The following FBN2 variants were observed in gnomAD, a reference collection of about 807,000 sequenced individuals.
FBN2 encodes fibrillin-2.
In FBN2, 105 loss-of-function variants were observed where a neutral mutation model predicts 355.6. The observed-to-expected ratio is 0.30, with a 90% CI of 0.25 to 0.35. FBN2 has a LOEUF of 0.35. Among genes scored for constraint, FBN2 ranks in the 10% least tolerant of loss-of-function variants. FBN2 has a pLI of 1.00. For synonymous variants in FBN2, 1,350 were observed against 1,301.2 expected, an observed-to-expected ratio of 1.04 and a Z score of -0.81; for missense variants, 3,280 against 3,758.7, an observed-to-expected ratio of 0.87 and a Z score of 3.33.
intron 11 of FBN2, among the ~76,000 whole-genome samples, chr5:128,382,493 A>G (rs1235124706): frequency 6.6e-6 from 1 of 152,064 alleles, no homozygotes; most frequent in Non-Finnish European, 1.5e-5. Flanking sequence ...TGGTTCTAAG[A>G]GCCACCTGTG....
intron 10 of FBN2, 98 bp from the exon 11 acceptor site, chr5:128,392,253 T>C (rs988538984): frequency 5.0e-6 from 5 of 1,000,112 alleles, no homozygotes; most frequent in Admixed American, 1.9e-5. Context: ...ATTAATTAGA[T>C]GTATATCAGA....
chr5:128,503,579 G>T (rs1755873036), intron 5 of FBN2, among the ~76,000 whole-genome samples: 1 of 152,146 alleles, frequency 6.6e-6, no homozygotes, highest in Non-Finnish European at 1.5e-5. Context: ...CTCTTGATAT[G>T]CACAGATACT....
chr5:128,271,299 G>C (rs572172989), intron 62 of FBN2, among the ~76,000 whole-genome samples: 1 of 152,286 alleles, frequency 6.6e-6, no homozygotes, highest in South Asian at 2.1e-4. Flanking sequence ...AAATGTGTTG[G>C]TTGGAGTGTC....
At position 128,338,086 on chromosome 5, in the gene FBN2, C is replaced by G. The variant is rs1561777936; in HGVS notation, c.3509G>C (p.Arg1170Thr). Residue 1170 changes from arginine to threonine, a missense_variant, in exon 27 of 65, where the codon AGG becomes ACG. Physicochemically the swap from Arg to Thr is moderately conservative, Grantham distance 71 (BLOSUM62 -1). Around this residue, in one of 6 missense-constraint regions of FBN2, gnomAD observed 2,284 missense variants for 2,749.5 expected, o/e 0.83. Coordinates refer to ENST00000262464, the MANE Select transcript of FBN2 (RefSeq NM_001999.4). ...CTCAGTGTTCACACAGGTGCCACCC[C>G]TACAAAGGAGAGGGTTACGTTCACA... ...DECERNPLLC[R>T]GGTCVNTEGS... 6.2e-7 allele frequency: 1 copy of G among 1,614,020 alleles called. No homozygotes were observed. The highest frequency in any genetic ancestry group is 8.5e-7 in the Non-Finnish European group (1 of 1,179,910).
At chr5:128,436,693 A>G (rs981814721) in intron 7 of FBN2, among the ~76,000 whole-genome samples, 2 of 151,734 alleles carry the variant, frequency 1.3e-5, no homozygotes, top group African/African-American at 4.8e-5. Context: ...AAAAAAAAGT[A>G]TGGAAATATT....
chr5:128,280,447 T>A lies in FBN2; in HGVS notation c.7013-130A>T, dbSNP rs187678781. On this transcript the variant is annotated intron_variant, in intron 55 of 64. Transcript: ENST00000262464. ...ACTAATATGATGAGATTAAAAATGG[T>A]CATGTGTGAATATTAATTTATTTTT... is the stretch of plus-strand genomic sequence containing the variant. 594 of 709,032 alleles carry A rather than the reference T, an allele frequency of 8.4e-4. 2 individuals carry two copies. In the African/African-American group the frequency reaches 9.3e-3, roughly 11 times the overall value. 43.9% of individuals were successfully genotyped at this position (709,032 alleles called of 1,614,324 possible).
chr5:128,524,586 G>A (rs1049116084), intron 4 of FBN2, among the ~76,000 whole-genome samples: 9 of 152,094 alleles, frequency 5.9e-5, no homozygotes, highest in African/African-American at 1.9e-4. Flanking sequence ...GTTCATTTTA[G>A]CAAGCATCCT....
rs1018077095 is a variant in FBN2 at position 128,388,444 on chromosome 5, G to A, written c.1603+3574C>T. ...TTGCTTTACAGTGTCAATGGTCTAT[G>A]TACTTAAGTTTGTTTTTGTGGTGGC... On this transcript the variant is annotated intron_variant, in intron 11 of 64. Coordinates refer to ENST00000262464, the MANE Select transcript of FBN2 (RefSeq NM_001999.4). Among the ~76,000 whole-genome samples the A allele has an allele frequency of 5.9e-5, 9 of 152,280 alleles. No homozygotes were observed. In the South Asian group the frequency reaches 1.0e-3, roughly 18 times the overall value.
chr5:128,475,259 A>C (rs1561474849), intron 5 of FBN2, among the ~76,000 whole-genome samples: 3 of 152,236 alleles, frequency 2.0e-5, no homozygotes, highest in African/African-American at 7.2e-5. Flanking sequence ...TATTTTATAC[A>C]GCCTGAAAAT....
intron 7 of FBN2, among the ~76,000 whole-genome samples, chr5:128,426,149 T>C (rs1244439275): frequency 6.6e-6 from 1 of 152,092 alleles, no homozygotes; most frequent in Non-Finnish European, 1.5e-5. Context: ...AAATTCAAAA[T>C]AGCTGAATGG....
chr5:128,339,151 G>GTTTGCTGGCTGTTGGGTAAC, intron 25 of FBN2, 90 bp from the exon 26 acceptor site: 6 of 1,344,442 alleles, frequency 4.5e-6, no homozygotes, highest in Non-Finnish European at 6.4e-6. Flanking sequence ...AAAAGTTGGG[G>GTTTGCTGGCTGTTGGGTAAC]AAATTGCTGG....
At chr5:128,354,975 C>T (rs957102687) in intron 20 of FBN2, among the ~76,000 whole-genome samples, 1 of 151,932 alleles carries the variant, frequency 6.6e-6, no homozygotes. Context: ...CAGAGGCTCT[C>T]GAGGATGAGT....
intron 5 of FBN2, among the ~76,000 whole-genome samples, chr5:128,501,911 G>A (rs1239179843): frequency 6.6e-6 from 1 of 151,974 alleles, no homozygotes; most frequent in Non-Finnish European, 1.5e-5. Context: ...ACCTAAAAAT[G>A]GAGAAAAATG....
chr5:128,429,699 T>C (rs1753571257), intron 7 of FBN2, among the ~76,000 whole-genome samples: 1 of 152,212 alleles, frequency 6.6e-6, no homozygotes, highest in Non-Finnish European at 1.5e-5. Flanking sequence ...GCCAGGATAC[T>C]ATACTTCCTG....
chr5:128,520,401 T>C (rs988843723), intron 4 of FBN2, among the ~76,000 whole-genome samples: 5 of 152,164 alleles, frequency 3.3e-5, no homozygotes, highest in African/African-American at 1.2e-4. Context: ...GAAACATTTG[T>C]CCTCACAAAT....
chr5:128,348,097 A>G (rs1751236037), intron 23 of FBN2, among the ~76,000 whole-genome samples: 1 of 152,232 alleles, frequency 6.6e-6, no homozygotes, highest in South Asian at 2.1e-4. Flanking sequence ...ATAATTTTGA[A>G]TAATGTTATT....
At chr5:128,448,919 AT>A (rs1311012718) in intron 6 of FBN2, among the ~76,000 whole-genome samples, 3 of 152,080 alleles carry the variant, frequency 2.0e-5, no homozygotes, top group Admixed American at 1.3e-4. Flanking sequence ...TATTAATTTC[AT>A]CCACATAGGA....
rs143509571 is a variant in FBN2, at chr5:128,437,132, C to T, written c.952+9349G>A. 1.8e-3 allele frequency among the ~76,000 whole-genome samples: 276 copies of T among 152,308 alleles called. 2 individuals are homozygous for T. Among genetic ancestry groups the T allele is most frequent in the African/African-American group, 6.3e-3 (262 of 41,560 alleles). ...AAATGACTCGCTCCAGGGTGGAGTT[C>T]ATAGTCTACTTTGAAGAAGATACCT... On this transcript the variant is annotated intron_variant, in intron 7 of 64. Coordinates refer to ENST00000262464, the MANE Select transcript of FBN2 (RefSeq NM_001999.4).
Position 128,430,896 on chromosome 5 carries a change from A to T in FBN2, c.952+15585T>A, listed in dbSNP as rs959206510. Among the ~76,000 whole-genome samples the T allele has an allele frequency of 5.5e-5, 8 of 145,486 alleles. No individual in the cohort carries two copies. The East Asian group carries it at 8.1e-4, about 15-fold the overall frequency. ...TAAATAAATAAATAAATAAATAAATAACACAAAATACTGATTGCAATAGCA... is the reference window on the plus strand; with the variant it reads ...TAAATAAATAAATAAATAAATAAATTACACAAAATACTGATTGCAATAGCA... On this transcript the variant is annotated intron_variant, in intron 7 of 64. Transcript: ENST00000262464.
Sources: gnomAD v4.1 joint callset for allele counts (sites outside exome capture counted in the v4.1 genomes callset) on GRCh38, gnomAD v4.1.1 for gene constraint, gnomAD v4.1.1 regional missense constraint, MANE v1.5 for transcripts, NCBI Gene and HGNC (gene_info 2026-07-23, HGNC 2026-07-21) for gene names.